The following PPM1L variants were observed in gnomAD, a reference collection of about 807,000 sequenced individuals.
PPM1L encodes protein phosphatase 1L.
A neutral mutation model predicts 31.4 loss-of-function variants in PPM1L; 13 were observed. The ratio of observed to expected loss-of-function variants is 0.41; its 90% CI spans 0.27 to 0.66. The LOEUF (loss-of-function observed/expected upper bound fraction) is 0.66, where lower values mean the gene tolerates loss of function less well. Ranked by LOEUF, PPM1L falls within the 30% of genes least tolerant of loss-of-function variation. The pLI is 0.29. For missense variants in PPM1L, 326 were observed against 453.7 expected (o/e 0.72, Z 2.56); for synonymous variants, 184 against 175.4 (o/e 1.05, Z -0.39).
At chr3:161,031,502 C>CTTTTTTTTTTTTT (rs760907219) in intron 2 of PPM1L, among the ~76,000 whole-genome samples, 3,702 of 101,088 alleles carry the variant, frequency 0.037, 484 homozygotes, top group African/African-American at 0.052. Flanking sequence ...GTATTCTGTC[C>CTTTTTTTTTTTTT]TTTTTTTTTT....
intron 1 of PPM1L, among the ~76,000 whole-genome samples, chr3:160,843,678 C>T (rs1713980198): frequency 6.6e-6 from 1 of 151,582 alleles, no homozygotes; most frequent in Non-Finnish European, 1.5e-5. Flanking sequence ...CAAGTGTTCT[C>T]ATTGTTCAGT....
At chr3:160,901,690 G>A (rs773185296) in intron 1 of PPM1L, among the ~76,000 whole-genome samples, 1 of 152,084 alleles carries the variant, frequency 6.6e-6, no homozygotes, top group Non-Finnish European at 1.5e-5. Context: ...GTAGCTCCTT[G>A]GTACATACTT....
intron 1 of PPM1L, among the ~76,000 whole-genome samples, chr3:160,889,017 A>G (rs1396584348): frequency 6.6e-6 from 1 of 152,236 alleles, no homozygotes; most frequent in Admixed American, 6.5e-5. Context: ...TAAGAGGGAA[A>G]TTTATAGCAC....
At chr3:161,008,866 A>T (rs377710456) in intron 2 of PPM1L, among the ~76,000 whole-genome samples, 31 of 152,340 alleles carry the variant, frequency 2.0e-4, no homozygotes, top group African/African-American at 7.0e-4. Context: ...AATTAGATAT[A>T]TGAGTTTTAC....
intron 1 of PPM1L, among the ~76,000 whole-genome samples, chr3:160,839,275 T>A (rs13080397): frequency 1.3e-5 from 2 of 152,090 alleles, no homozygotes; most frequent in African/African-American, 4.8e-5. Flanking sequence ...TTTACTTAGA[T>A]TATATGACGT....
At chr3:160,795,923 A>T (rs866182887) in intron 1 of PPM1L, among the ~76,000 whole-genome samples, 1 of 152,148 alleles carries the variant, frequency 6.6e-6, no homozygotes, top group African/African-American at 2.4e-5. Context: ...GCTCAGTGCT[A>T]CTGATTTCAA....
intron 2 of PPM1L, among the ~76,000 whole-genome samples, chr3:161,015,172 A>G (rs1718044284): frequency 6.7e-6 from 1 of 148,918 alleles, no homozygotes; most frequent in South Asian, 2.2e-4. Flanking sequence ...TTCTATTTGG[A>G]CATATTCTAT....
rs79043916 is a variant in PPM1L at position 160,806,492 on chromosome 3, A to G, written c.399+49785A>G. 5.2e-3 allele frequency among the ~76,000 whole-genome samples: 793 copies of G among 152,292 alleles called. 14 individuals are homozygous for G. Among genetic ancestry groups the G allele is most frequent in the East Asian group, 0.044 (229 of 5,176 alleles). On this transcript the variant is annotated intron_variant, in intron 1 of 3. Transcript: ENST00000498165. Reference sequence around the variant, plus strand: ...GCTACACTTTTCTGTTTATTCAACTATTCACAATTGTTGGTACACAGTAAG... The same window carrying G: ...GCTACACTTTTCTGTTTATTCAACTGTTCACAATTGTTGGTACACAGTAAG...
intron 1 of PPM1L, among the ~76,000 whole-genome samples, chr3:160,783,855 C>T (rs1358368529): frequency 1.3e-5 from 2 of 151,976 alleles, no homozygotes; most frequent in Non-Finnish European, 2.9e-5. Context: ...GAACTATATT[C>T]TAAGGAATCA....
intron 1 of PPM1L, among the ~76,000 whole-genome samples, chr3:160,783,781 C>G (rs1254582030): frequency 6.6e-6 from 1 of 152,110 alleles, no homozygotes; most frequent in African/African-American, 2.4e-5. Context: ...TGAATCCCAG[C>G]TTTCTGCATT....
intron 1 of PPM1L, among the ~76,000 whole-genome samples, chr3:160,903,751 A>T (rs942689189): frequency 6.6e-6 from 1 of 152,266 alleles, no homozygotes; most frequent in East Asian, 1.9e-4. Flanking sequence ...AGGGAGAGGG[A>T]TAAAGGTGGA....
intron 2 of PPM1L, among the ~76,000 whole-genome samples, chr3:160,996,611 G>A (rs1030525815): frequency 6.6e-6 from 1 of 152,218 alleles, no homozygotes; most frequent in African/African-American, 2.4e-5. Flanking sequence ...ACATAAGAAT[G>A]ATACAGAGGG....
chr3:160,989,092 C>T (rs1717050544), intron 2 of PPM1L, among the ~76,000 whole-genome samples: 1 of 152,134 alleles, frequency 6.6e-6, no homozygotes, highest in Admixed American at 6.5e-5. Flanking sequence ...TAAGACAATC[C>T]TTTAGAAAAA....
chr3:160,814,509 GTATA>G (rs1258812470), intron 1 of PPM1L, among the ~76,000 whole-genome samples: 1 of 111,680 alleles, frequency 9.0e-6, no homozygotes, highest in South Asian at 3.0e-4. Context: ...ATATGTATGT[GTATA>G]TATATACACA....
At chr3:160,996,281 A>G (rs950295061) in intron 2 of PPM1L, among the ~76,000 whole-genome samples, 1 of 152,228 alleles carries the variant, frequency 6.6e-6, no homozygotes, top group Non-Finnish European at 1.5e-5. Flanking sequence ...CAGCAATCCC[A>G]CTACTGGGTA....
rs370906032 is a variant in PPM1L, at chr3:161,062,182, T to C, written c.575-3221T>C. 3.3e-5 allele frequency among the ~76,000 whole-genome samples: 5 copies of C among 152,160 alleles called. No homozygotes were observed. The South Asian group carries it at 8.3e-4, about 25-fold the overall frequency. On this transcript the variant is annotated intron_variant, in intron 2 of 3. Coordinates refer to ENST00000498165, the MANE Select transcript of PPM1L (RefSeq NM_139245.4). ...CCTTTCTCAGAAGCCCCCAGCAGAC[T>C]TTTTTGAGTCCTCGTCCATGGAATG...
At position 160,846,507 on chromosome 3, in the gene PPM1L, A is replaced by G. The variant is rs564514039; in HGVS notation, c.399+89800A>G. Among the ~76,000 whole-genome samples, 3 of 152,220 alleles carry G rather than the reference A, an allele frequency of 2.0e-5. No individual in the cohort carries two copies. In the East Asian group the frequency reaches 5.8e-4, roughly 29 times the overall value. On this transcript the variant is annotated intron_variant, in intron 1 of 3. Coordinates refer to ENST00000498165, the MANE Select transcript of PPM1L (RefSeq NM_139245.4). Reference sequence around the variant, plus strand: ...GCCTTAAAAATGTTGTATTATTAGGATCCTCACCTTGAAAGATTGTTTCAA... The same window carrying G: ...GCCTTAAAAATGTTGTATTATTAGGGTCCTCACCTTGAAAGATTGTTTCAA...
At chr3:160,885,507 T>C (rs1712883249) in intron 1 of PPM1L, among the ~76,000 whole-genome samples, 2 of 152,178 alleles carry the variant, frequency 1.3e-5, no homozygotes, top group South Asian at 4.1e-4. Flanking sequence ...AATCCTTCAC[T>C]GGCAACCAAG....
intron 2 of PPM1L, 106 bp downstream of exon 2, chr3:160,962,016 A>G (rs1413920515): frequency 3.4e-5 from 26 of 762,546 alleles, no homozygotes; most frequent in Non-Finnish European, 5.1e-5. Flanking sequence ...ATTCAAAGTT[A>G]TGTAACATGG....
Sources: gnomAD v4.1 joint callset for allele counts (sites outside exome capture counted in the v4.1 genomes callset) on GRCh38, gnomAD v4.1.1 for gene constraint, MANE v1.5 for transcripts, NCBI Gene and HGNC (gene_info 2026-07-23, HGNC 2026-07-21) for gene names.